AFF2: variants seen among roughly 807,000 people sequenced by gnomAD.
AFF2 encodes AF4/FMR2 family member 2.
A neutral mutation model predicts 76.9 loss-of-function variants in AFF2; 14 were observed. That is an observed-to-expected ratio of 0.18 (90% confidence interval 0.12 to 0.28). AFF2 has a LOEUF of 0.28. AFF2 is among the 10% of genes least tolerant of loss of function. The pLI is 1.00. For missense variants in AFF2, 868 were observed against 1,001.1 expected (o/e 0.87, Z 1.79); for synonymous variants, 398 against 366.7 (o/e 1.09, Z -0.98).
chrX:148,924,811 T>C (rs1557283586), intron 9 of AFF2, among the ~76,000 whole-genome samples: 2 of 112,142 alleles, frequency 1.8e-5, no homozygotes, highest in African/African-American at 6.5e-5. Flanking sequence ...TTGGGTAATA[T>C]AGGCTTACAC....
chrX:148,622,008 T>G (rs1416705643), intron 1 of AFF2, among the ~76,000 whole-genome samples: 1 of 112,436 alleles, frequency 8.9e-6, no homozygotes, highest in Non-Finnish European at 1.9e-5. Flanking sequence ...ACATTGTCAA[T>G]TGTTTACTTG....
intron 1 of AFF2, among the ~76,000 whole-genome samples, chrX:148,622,129 G>T (rs2053874831): frequency 8.9e-6 from 1 of 112,128 alleles, no homozygotes; most frequent in African/African-American, 3.2e-5. Context: ...TAAAGTAGAT[G>T]CAAACAGCAG....
In AFF2 at chrX:148,973,535, A is replaced by G. The variant is rs782531050; in HGVS notation, c.3332A>G (p.Asn1111Ser). The change falls in exon 16 of 21, where the codon AAT becomes AGT. Residue 1111 changes from asparagine (N) to serine (S), a missense_variant. Physicochemically the swap from Asn to Ser is conservative, Grantham distance 46. This residue lies in a region of AFF2 where 57 missense variants were observed against 117.8 expected (regional missense o/e 0.48). Coordinates refer to ENST00000370460, the MANE Select transcript of AFF2 (RefSeq NM_002025.4). The part of the protein sequence containing the change: ...DAALSFTECG[N>S]AMERDPLEAK... The stretch of plus-strand genomic sequence containing the variant: ...GCCCTCTCCTTCACTGAATGTGGCA[A>G]TGCCATGGAACGCGACCCTCTGGAA... 2.5e-6 allele frequency: 3 copies of G among 1,209,847 alleles called. No individual in the cohort carries two copies. The Admixed American group carries it at 6.6e-5, about 26-fold the overall frequency.
chrX:148,927,081 G>A (rs1342444462), intron 9 of AFF2, among the ~76,000 whole-genome samples: 3 of 112,063 alleles, frequency 2.7e-5, no homozygotes, highest in African/African-American at 9.7e-5. Flanking sequence ...TCTGAGTAAT[G>A]TTAGGATTTT....
chrX:148,911,283 A>T (rs782657869), intron 9 of AFF2, among the ~76,000 whole-genome samples: 1 of 111,570 alleles, frequency 9.0e-6, no homozygotes, highest in Non-Finnish European at 1.9e-5. Flanking sequence ...GTGGCTCCAA[A>T]GACACTTGGT....
chrX:148,554,871 GCC>G (rs2053034974), intron 1 of AFF2, among the ~76,000 whole-genome samples: 1 of 112,380 alleles, frequency 8.9e-6, no homozygotes, highest in Non-Finnish European at 1.9e-5. Flanking sequence ...ATGGATGGAT[GCC>G]CAAGACGCTG....
intron 3 of AFF2, among the ~76,000 whole-genome samples, chrX:148,671,754 G>A (rs1413477758): frequency 9.1e-6 from 1 of 109,360 alleles, no homozygotes; most frequent in Admixed American, 9.8e-5. Context: ...ATTCAGCTGG[G>A]GTATTCTTAT....
intron 1 of AFF2, among the ~76,000 whole-genome samples, chrX:148,531,469 GA>G (rs1557235882): frequency 2.7e-5 from 3 of 112,156 alleles, no homozygotes; most frequent in Non-Finnish European, 1.9e-5. Context: ...GAGGCAAGAG[GA>G]ATTCAAATAT....
At chrX:148,873,564 T>C (rs1471342413) in intron 7 of AFF2, among the ~76,000 whole-genome samples, 3 of 108,458 alleles carry the variant, frequency 2.8e-5, no homozygotes, top group Non-Finnish European at 5.7e-5. Context: ...TTCTGTGTGT[T>C]TTCTTCTTAA....
chrX:148,835,484 C>CTTT (rs11354092), intron 4 of AFF2, among the ~76,000 whole-genome samples: 7 of 58,954 alleles, frequency 1.2e-4, no homozygotes, highest in African/African-American at 3.8e-4. Context: ...ACGTCACATA[C>CTTT]TTTTTTTTTT....
At chrX:148,977,614 GACACACACACACACAC>G (rs140911348) in intron 16 of AFF2, among the ~76,000 whole-genome samples, 3 of 92,748 alleles carry the variant, frequency 3.2e-5, no homozygotes, top group South Asian at 5.9e-4. Context: ...CCAGCATTTA[GACACACACACACACAC>G]ACACACACAC....
intron 8 of AFF2, among the ~76,000 whole-genome samples, chrX:148,902,254 C>A (rs1487213829): frequency 9.0e-6 from 1 of 111,565 alleles, no homozygotes; most frequent in African/African-American, 3.3e-5. Context: ...CTGTCTCCTG[C>A]CAGTGGCAAG....
rs1356185213 is a variant in AFF2 at position 148,950,436 on chromosome X, A to G, written c.1398-3144A>G. Among the ~76,000 whole-genome samples, 39 of 112,165 alleles carry G rather than the reference A, an allele frequency of 3.5e-4. No individual in the cohort carries two copies. The Admixed American group carries it at 3.7e-3, about 11-fold the overall frequency. On this transcript the variant is annotated intron_variant, in intron 9 of 20. Coordinates refer to ENST00000370460, the MANE Select transcript of AFF2 (RefSeq NM_002025.4). ...CACAAACGCTGGCTCTCCATTTCCA[A>G]CTGTGCAACTTCCCGGAGAAAGCAA...
At chrX:148,812,620 T>C (rs1209703953) in intron 4 of AFF2, among the ~76,000 whole-genome samples, 1 of 111,294 alleles carries the variant, frequency 9.0e-6, no homozygotes, top group African/African-American at 3.3e-5. Context: ...CCCACCTCCC[T>C]GATCCCCCTT....
At chrX:148,911,530 T>A (rs1237552570) in intron 9 of AFF2, among the ~76,000 whole-genome samples, 2 of 111,754 alleles carry the variant, frequency 1.8e-5, no homozygotes, top group East Asian at 5.6e-4. Context: ...TTCTATCATA[T>A]CCCTTCCCTG....
At chrX:148,554,622 G>A (rs2053031449) in intron 1 of AFF2, among the ~76,000 whole-genome samples, 2 of 112,275 alleles carry the variant, frequency 1.8e-5, no homozygotes, top group South Asian at 7.3e-4. Flanking sequence ...ATAGACTATT[G>A]TTTCTCGTGG....
chrX:148,617,793 G>A (rs141716536), intron 1 of AFF2, among the ~76,000 whole-genome samples: 23 of 112,196 alleles, frequency 2.0e-4, no homozygotes, highest in East Asian at 8.5e-4. Flanking sequence ...CCTCAAGATC[G>A]TGTAATATTT....
At chrX:148,682,503 A>G (rs868924833) in intron 3 of AFF2, among the ~76,000 whole-genome samples, 1 of 111,250 alleles carries the variant, frequency 9.0e-6, no homozygotes, top group Non-Finnish European at 1.9e-5. Context: ...TGCAGGAACT[A>G]GAGAACAGCG....
chrX:148,969,239 T>C lies in AFF2; in HGVS notation c.3267+1547T>C, dbSNP rs144124307. On this transcript the variant is annotated intron_variant, in intron 15 of 20. Transcript: ENST00000370460. ...ATCCATTTAGAATATGCATTCCCAA[T>C]TGGGGAGATGCTGCCCCTATGGGGG... Among the ~76,000 whole-genome samples the C allele has an allele frequency of 3.0e-3, 341 of 113,148 alleles. 3 individuals carry two copies. The highest frequency in any genetic ancestry group is 0.01 in the African/African-American group (315 of 31,203).
Sources: allele counts gnomAD v4.1 joint callset (sites outside exome capture counted in the v4.1 genomes callset), GRCh38; gene constraint gnomAD v4.1.1; regional missense constraint gnomAD v4.1.1; transcripts MANE v1.5; gene names NCBI Gene and HGNC (gene_info 2026-07-23, HGNC 2026-07-21).